The following SYT9 variants were observed in gnomAD, a reference collection of about 807,000 sequenced individuals.
SYT9 encodes the protein synaptotagmin-9.
SYT9 carries 22 observed loss-of-function variants against 48.4 expected under a neutral mutation model. That is an observed-to-expected ratio of 0.45 (90% CI 0.32 to 0.65). SYT9 has a LOEUF of 0.65. SYT9 is among the 30% of genes least tolerant of loss of function. SYT9 has a pLI of 0.03. For synonymous variants in SYT9, 265 were observed against 245.0 expected (o/e 1.08, Z -0.76); for missense variants, 577 against 622.0 (o/e 0.93, Z 0.77).
chr11:7,463,133 C>T (rs1024332321), intron 6 of SYT9, among the ~76,000 whole-genome samples: 1 of 152,206 alleles, frequency 6.6e-6, no homozygotes. Flanking sequence ...ACCCCTGGTA[C>T]TGCCTGGGAG....
chr11:7,268,870 C>T (rs1302921592), intron 1 of SYT9, among the ~76,000 whole-genome samples: 1 of 151,964 alleles, frequency 6.6e-6, no homozygotes, highest in East Asian at 1.9e-4. Flanking sequence ...AGGAAGTTTC[C>T]TCATATCCAT....
chr11:7,322,408 G>A (rs534695147), intron 3 of SYT9, among the ~76,000 whole-genome samples: 1 of 152,290 alleles, frequency 6.6e-6, no homozygotes, highest in South Asian at 2.1e-4. Flanking sequence ...CTTCTATAAT[G>A]TGGGTGAAGT....
intron 1 of SYT9, among the ~76,000 whole-genome samples, chr11:7,255,478 C>T (rs967156392): frequency 1.3e-5 from 2 of 152,126 alleles, no homozygotes; most frequent in Admixed American, 1.3e-4. Context: ...TGTTGAAGAG[C>T]AAAGGTGAAG....
chr11:7,456,498 GGGATCTTGCTCTTTAGCCAGAAAAT>G, intron 6 of SYT9, among the ~76,000 whole-genome samples: 1 of 152,310 alleles, frequency 6.6e-6, no homozygotes, highest in East Asian at 1.9e-4. Flanking sequence ...AGAGGACCTT[GGGATCTTGCTCTTTAGCCAGAAAAT>G]GGCCACCCTC....
intron 1 of SYT9, among the ~76,000 whole-genome samples, chr11:7,299,508 C>A (rs529657471): frequency 6.6e-6 from 1 of 152,282 alleles, no homozygotes; most frequent in African/African-American, 2.4e-5. Context: ...AAAGCCACTC[C>A]TGCCATTTGC....
chr11:7,393,537 A>T (rs1846680543), intron 3 of SYT9, among the ~76,000 whole-genome samples: 2 of 151,994 alleles, frequency 1.3e-5, no homozygotes, highest in African/African-American at 2.4e-5. Flanking sequence ...TTCTATGTTC[A>T]TTAGGGATAT....
At chr11:7,333,305 T>A (rs980968320) in intron 3 of SYT9, among the ~76,000 whole-genome samples, 3 of 152,192 alleles carry the variant, frequency 2.0e-5, no homozygotes, top group African/African-American at 7.2e-5. Flanking sequence ...CACTCAGCTA[T>A]GTGGAGAATC....
At chr11:7,321,470 A>G (rs1416529835) in intron 3 of SYT9, among the ~76,000 whole-genome samples, 1 of 152,166 alleles carries the variant, frequency 6.6e-6, no homozygotes, top group East Asian at 1.9e-4. Context: ...ATATTTATTA[A>G]TTTGAATCCC....
At chr11:7,438,343 C>G (rs1847755991) in intron 6 of SYT9, 1 of 152,236 alleles carries the variant, frequency 6.6e-6, no homozygotes, top group Admixed American at 6.5e-5. Flanking sequence ...ACAGGATGCT[C>G]TGCCCTCCTA....
intron 1 of SYT9, among the ~76,000 whole-genome samples, chr11:7,300,139 A>T (rs746056053): frequency 6.6e-6 from 1 of 151,384 alleles, no homozygotes; most frequent in Non-Finnish European, 1.5e-5. Context: ...TTTCTGTGCC[A>T]ACATCCCTTC....
intron 3 of SYT9, among the ~76,000 whole-genome samples, chr11:7,371,924 A>G (rs535158512): frequency 1.1e-4 from 16 of 152,140 alleles, no homozygotes; most frequent in Non-Finnish European, 1.6e-4. Context: ...GGTTGTTTCA[A>G]ATTTTTTGTT....
At chr11:7,465,138 T>TC (rs1848309347) in intron 6 of SYT9, among the ~76,000 whole-genome samples, 1 of 152,002 alleles carries the variant, frequency 6.6e-6, no homozygotes, top group Non-Finnish European at 1.5e-5. Flanking sequence ...TAGCAGCTGA[T>TC]CTGGCAAACT....
intron 3 of SYT9, among the ~76,000 whole-genome samples, chr11:7,367,098 T>TTTTTTTTC (rs71056800): frequency 1.8e-5 from 2 of 112,988 alleles, no homozygotes; most frequent in Non-Finnish European, 3.6e-5. Flanking sequence ...TTTTTTTTTT[T>TTTTTTTTC]CGAGACGGAG....
At chr11:7,434,819 CA>C in intron 6 of SYT9, among the ~76,000 whole-genome samples, 1 of 152,286 alleles carries the variant, frequency 6.6e-6, no homozygotes, top group South Asian at 2.1e-4. Flanking sequence ...TTGGAGGTGA[CA>C]GAATATAATC....
intron 6 of SYT9, among the ~76,000 whole-genome samples, chr11:7,424,817 C>A (rs1847423317): frequency 6.6e-6 from 1 of 152,202 alleles, no homozygotes; most frequent in Admixed American, 6.5e-5. Context: ...CACGTACATA[C>A]AGCTACAAAA....
chr11:7,355,086 G>C (rs902761389), intron 3 of SYT9, among the ~76,000 whole-genome samples: 1 of 152,174 alleles, frequency 6.6e-6, no homozygotes, highest in Non-Finnish European at 1.5e-5. Context: ...CAAGATAAAA[G>C]TACGTTTCCA....
chr11:7,431,131 T>C (rs1300703208), intron 6 of SYT9, among the ~76,000 whole-genome samples: 5 of 152,230 alleles, frequency 3.3e-5, no homozygotes, highest in African/African-American at 1.2e-4. Context: ...GATAGTAATA[T>C]GGACAGTGAA....
Position 7,332,416 on chromosome 11 carries a change from G to A in SYT9, c.1044+18475G>A, listed in dbSNP as rs544189013. On this transcript the variant is annotated intron_variant, in intron 3 of 6. Coordinates refer to ENST00000318881, the MANE Select transcript of SYT9 (RefSeq NM_175733.4). ...GCAGCCAATGCTCATAGCCGCTAAG[G>A]AATGGATGCACTGGCTTTGTCAAAG... 1.3e-3 allele frequency among the ~76,000 whole-genome samples: 203 copies of A among 152,354 alleles called. 1 individual carries two copies. The highest frequency in any genetic ancestry group is 4.7e-3 in the African/African-American group (196 of 41,586).
At chr11:7,372,487 A>AT (rs1850380247) in intron 3 of SYT9, among the ~76,000 whole-genome samples, 1 of 152,064 alleles carries the variant, frequency 6.6e-6, no homozygotes, top group Non-Finnish European at 1.5e-5. Context: ...TAATTTTAAA[A>AT]TTTTTTATGA....
Sources: gnomAD v4.1 joint callset for allele counts (sites outside exome capture counted in the v4.1 genomes callset) on GRCh38, gnomAD v4.1.1 for gene constraint, MANE v1.5 for transcripts, NCBI Gene and HGNC (gene_info 2026-07-23, HGNC 2026-07-21) for gene names.